PCDH11Y: variants seen among roughly 807,000 people sequenced by gnomAD.
PCDH11Y encodes the protein protocadherin 11 Y-linked, also known as protocadherin-11 Y-linked.
For missense variants in PCDH11Y, 12 were observed against 224.8 expected (o/e 0.05, Z 6.05); for synonymous variants, 9 against 83.6 (o/e 0.11, Z 4.87).
At chrY:5,018,267 T>C in intron 1 of PCDH11Y, among the ~76,000 whole-genome samples, 1 of 30,599 alleles carries the variant, frequency 3.3e-5, no homozygotes, top group African/African-American at 1.3e-4. Flanking sequence ...ATTTTCTCCT[T>C]TGATAATTCT....
chrY:5,420,904 T>TA lies in PCDH11Y; in HGVS notation c.3130-80140dup, dbSNP rs199715244. Among the ~76,000 whole-genome samples the TA allele has an allele frequency of 1.8e-3, 44 of 24,219 alleles. No individual in the cohort carries two copies. In the East Asian group the frequency reaches 0.036, roughly 20 times the overall value. The allele number at this position is 24,219 out of a possible 37,273, so 65.0% of individuals were successfully genotyped here. A position where few individuals can be genotyped will look rare whatever the true frequency, so the allele number is the denominator to read the frequency against. On this transcript the variant is annotated intron_variant, in intron 2 of 4. Transcript: ENST00000400457. ...TTGAATCAGTAATAATAATAATAAT[T>TA]AAAAAAAAAAAAACAACCCTTGACC...
intron 2 of PCDH11Y, among the ~76,000 whole-genome samples, chrY:5,215,114 TTTG>T (rs2052944157): frequency 1.2e-4 from 4 of 32,941 alleles, no homozygotes; most frequent in Non-Finnish European, 3.0e-4. Context: ...TTTTCAGAAT[TTTG>T]TTATGAAACT....
At chrY:5,270,234 G>A (rs2124659369) in intron 2 of PCDH11Y, among the ~76,000 whole-genome samples, 1 of 26,308 alleles carries the variant, frequency 3.8e-5, no homozygotes, top group South Asian at 9.2e-4. Context: ...CAGGCCAGGC[G>A]TGGTGGCTCA....
At chrY:5,405,361 G>GT in intron 2 of PCDH11Y, among the ~76,000 whole-genome samples, 1 of 22,342 alleles carries the variant, frequency 4.5e-5, no homozygotes. Flanking sequence ...GTTGTTGTTG[G>GT]TTTTTTGTAG....
intron 2 of PCDH11Y, among the ~76,000 whole-genome samples, chrY:5,248,096 C>T (rs2052999263): frequency 3.3e-5 from 1 of 30,142 alleles, no homozygotes; most frequent in African/African-American, 1.3e-4. Context: ...GCTTACCAAC[C>T]AAAAAAAAAG....
At chrY:5,009,643 G>C in intron 1 of PCDH11Y, among the ~76,000 whole-genome samples, 1 of 34,203 alleles carries the variant, frequency 2.9e-5, no homozygotes, top group Non-Finnish European at 7.3e-5. Flanking sequence ...ATGTGCGTTT[G>C]TTAGGGAGTA....
chrY:5,262,884 A>G, intron 2 of PCDH11Y, among the ~76,000 whole-genome samples: 1 of 32,213 alleles, frequency 3.1e-5, no homozygotes, highest in African/African-American at 1.2e-4. Flanking sequence ...GGCCAGGCTC[A>G]AGGTCCCCAT....
intron 2 of PCDH11Y, among the ~76,000 whole-genome samples, chrY:5,383,257 A>C: frequency 3.1e-5 from 1 of 32,625 alleles, no homozygotes; most frequent in Non-Finnish European, 7.4e-5. Flanking sequence ...ATAATTTTAA[A>C]ATGCTAAATA....
intron 2 of PCDH11Y, among the ~76,000 whole-genome samples, chrY:5,209,682 T>G (rs2052936345): frequency 3.0e-5 from 1 of 33,883 alleles, no homozygotes. Flanking sequence ...CTATATTTTC[T>G]TCAGCAGTTC....
At chrY:5,507,939 A>G (rs2124688648) in intron 3 of PCDH11Y, among the ~76,000 whole-genome samples, 11 of 33,038 alleles carry the variant, frequency 3.3e-4, no homozygotes, top group Admixed American at 3.1e-3. Flanking sequence ...TTTTTAAAAA[A>G]TCTTACTTCT....
chrY:5,357,251 G>GTATA (rs760306167), intron 2 of PCDH11Y, among the ~76,000 whole-genome samples: 235 of 15,227 alleles, frequency 0.015, no homozygotes, highest in Non-Finnish European at 0.021. Flanking sequence ...ATATATATAC[G>GTATA]TATATATATA....
At chrY:5,226,045 C>A in intron 2 of PCDH11Y, among the ~76,000 whole-genome samples, 4 of 8,941 alleles carry the variant, frequency 4.5e-4, no homozygotes, top group Non-Finnish European at 8.1e-4. Context: ...GAGTTTCTCT[C>A]TTGTTGTCCA....
At chrY:5,316,280 T>G in intron 2 of PCDH11Y, among the ~76,000 whole-genome samples, 1 of 33,571 alleles carries the variant, frequency 3.0e-5, no homozygotes, top group African/African-American at 1.2e-4. Context: ...TTGGCTGAGT[T>G]TATCTGAAGG....
chrY:5,291,674 G>A (rs2053067822), intron 2 of PCDH11Y, among the ~76,000 whole-genome samples: 3 of 33,946 alleles, frequency 8.8e-5, no homozygotes, highest in African/African-American at 3.5e-4. Context: ...TAGCCTGGGT[G>A]ACAGAGTGAG....
chrY:5,733,047 C>T (rs36041605), intron 4 of PCDH11Y, among the ~76,000 whole-genome samples: 5 of 33,142 alleles, frequency 1.5e-4, no homozygotes, highest in Middle Eastern at 0.014. Flanking sequence ...CTTTATTTCC[C>T]GGATTGCTTT....
intron 2 of PCDH11Y, among the ~76,000 whole-genome samples, chrY:5,308,975 G>T: frequency 9.6e-5 from 3 of 31,183 alleles, no homozygotes; most frequent in Admixed American, 3.0e-4. Flanking sequence ...TGCTACTAGG[G>T]AGACTGAGGC....
chrY:5,704,831 C>A, intron 4 of PCDH11Y, among the ~76,000 whole-genome samples: 1 of 33,039 alleles, frequency 3.0e-5, no homozygotes, highest in Non-Finnish European at 7.4e-5. Flanking sequence ...TTCAATAATA[C>A]CCATAATATC....
chrY:5,429,118 C>T (rs1194289535), intron 2 of PCDH11Y, among the ~76,000 whole-genome samples: 275 of 33,511 alleles, frequency 8.2e-3, no homozygotes, highest in Non-Finnish European at 0.017. Flanking sequence ...GAACGCTTAA[C>T]AATATGTTAT....
intron 2 of PCDH11Y, among the ~76,000 whole-genome samples, chrY:5,407,821 A>G: frequency 1.0e-4 from 3 of 28,683 alleles, no homozygotes; most frequent in Admixed American, 3.3e-4. Flanking sequence ...AGGCTGAGGC[A>G]GGAGAATGGA....
Sources: allele counts gnomAD v4.1 joint callset (sites outside exome capture counted in the v4.1 genomes callset), GRCh38; gene constraint gnomAD v4.1.1; transcripts MANE v1.5; gene names NCBI Gene and HGNC (gene_info 2026-07-23, HGNC 2026-07-21).